Variants in CEP164 observed in about 807,000 individuals in gnomAD.
CEP164 encodes centrosomal protein 164.
In CEP164, 162 loss-of-function variants were observed where a neutral mutation model predicts 182.7. The observed-to-expected ratio is 0.89, with a 90% CI of 0.78 to 1.01. The LOEUF (loss-of-function observed/expected upper bound fraction) is 1.01. Ranked by LOEUF, CEP164 falls within the 50% of genes least tolerant of loss-of-function variation. The pLI is 0.00. For missense variants in CEP164, 1,735 were observed against 1,790.4 expected (o/e 0.97, Z 0.56); for synonymous variants, 661 against 690.0 (o/e 0.96, Z 0.66).
chr11:117,336,357 A>AT, intron 2 of CEP164: 1 of 1,439,872 alleles, frequency 6.9e-7, no homozygotes, highest in South Asian at 1.1e-5. Context: ...GAGCCAAGAG[A>AT]TTCACAGGAG....
chr11:117,350,508 A>G (rs1209107349), intron 4 of CEP164, among the ~76,000 whole-genome samples: 1 of 152,100 alleles, frequency 6.6e-6, no homozygotes, highest in Non-Finnish European at 1.5e-5. Flanking sequence ...GTGTTTAGTG[A>G]TGTGGGACAT....
rs367645081 is a variant in CEP164 at position 117,377,509 on chromosome 11, G to C, written c.1317+1718G>C. 1.9e-3 allele frequency among the ~76,000 whole-genome samples: 291 copies of C among 152,272 alleles called. 14 individuals are homozygous for C. The South Asian group carries it at 0.058, about 30-fold the overall frequency. ...AGCTTCCAGCTGTCTGCCATCTCTG[G>C]GGGTGGAGGGGTCGAGATGGGGAGG... is the stretch of plus-strand genomic sequence containing the variant. On this transcript the variant is annotated intron_variant, in intron 11 of 32. Transcript: ENST00000278935.
Position 117,392,490 on chromosome 11 carries a change from C to T in CEP164, c.2362-6C>T. Reference sequence around the variant, plus strand: ...CACTCCCCTGTGTGTGCGGGGGCCTCCTCAGGTGGTCTCCAGCCTCCAGAA... The same window carrying T: ...CACTCCCCTGTGTGTGCGGGGGCCTTCTCAGGTGGTCTCCAGCCTCCAGAA... On this transcript the variant is annotated splice_region_variant and splice_polypyrimidine_tract_variant and intron_variant, in intron 18 of 32. Coordinates refer to ENST00000278935, the MANE Select transcript of CEP164 (RefSeq NM_014956.5). 2 of 1,612,872 alleles carry T rather than the reference C, an allele frequency of 1.2e-6. No homozygotes were observed. The highest frequency in any genetic ancestry group is 1.7e-6 in the Non-Finnish European group (2 of 1,179,466).
chr11:117,342,354 C>T (rs1271808163), intron 3 of CEP164, among the ~76,000 whole-genome samples: 1 of 152,212 alleles, frequency 6.6e-6, no homozygotes, highest in East Asian at 1.9e-4. Context: ...TGGTGATGCC[C>T]TTCTGGCCTG....
At chr11:117,400,045 C>T (rs2045957173) in intron 27 of CEP164, among the ~76,000 whole-genome samples, 1 of 152,150 alleles carries the variant, frequency 6.6e-6, no homozygotes, top group African/African-American at 2.4e-5. Flanking sequence ...GGTGTGTAGT[C>T]ATGAAGTCTT....
intron 2 of CEP164, chr11:117,336,255 A>G (rs2037095544): frequency 6.3e-7 from 1 of 1,585,026 alleles, no homozygotes; most frequent in Non-Finnish European, 8.6e-7. Context: ...AATGCTTGCC[A>G]TGCTTTTGGT....
chr11:117,373,055 T>A (rs996533679), intron 9 of CEP164, among the ~76,000 whole-genome samples: 1 of 152,114 alleles, frequency 6.6e-6, no homozygotes, highest in Admixed American at 6.6e-5. Flanking sequence ...TCCAGGTAGA[T>A]GATGAGGGAA....
chr11:117,405,819 T>C (rs1432881509), intron 27 of CEP164, among the ~76,000 whole-genome samples: 1 of 152,194 alleles, frequency 6.6e-6, no homozygotes, highest in Non-Finnish European at 1.5e-5. Context: ...TGGAGCAAAA[T>C]GCTTCCAGTC....
chr11:117,322,725 T>TTGTA lies in CEP164; in HGVS notation c.-98+8000_-98+8001insATGT, dbSNP rs559428752. Among the ~76,000 whole-genome samples the TTGTA allele has an allele frequency of 8.4e-3, 1,273 of 150,652 alleles. 23 individuals carry two copies. Among genetic ancestry groups the TTGTA allele is most frequent in the African/African-American group, 0.03 (1,215 of 40,950 alleles). ...CATGTGTCACCACGCCTGGCATATT[T>TTGTA]TGTGTTTATATATATATATGTATAT... On this transcript the variant is annotated intron_variant, in intron 1 of 4. Coordinates refer to the CEP164 transcript ENST00000525734.
chr11:117,342,520 A>AGG (rs944090838), intron 3 of CEP164, among the ~76,000 whole-genome samples: 2 of 151,938 alleles, frequency 1.3e-5, no homozygotes, highest in African/African-American at 4.8e-5. Context: ...CTTGTTGCCC[A>AGG]GGCTGGAGTG....
intron 5 of CEP164, chr11:117,355,830 A>G: frequency 3.7e-6 from 4 of 1,080,586 alleles, no homozygotes; most frequent in Non-Finnish European, 4.5e-6. Flanking sequence ...GATCTACCTC[A>G]GGGTCTCTTG....
Position 117,396,074 on chromosome 11 carries a change from A to T in CEP164, c.3110A>T (p.Gln1037Leu). ...KHFSSLEAEA[Q>L]KKQHLLREVT... The stretch of plus-strand genomic sequence containing the variant: ...CACAGCAGCCTGGAGGCTGAAGCTC[A>T]AAAGAAGCAGCACCTGTTGAGAGAA... Residue 1037 changes from glutamine to leucine, a missense_variant, in exon 25 of 33, where the codon CAA becomes CTA. Gln to Leu is a moderately radical substitution (Grantham distance 113, BLOSUM62 -2). Transcript: ENST00000278935. 1.9e-6 allele frequency: 3 copies of T among 1,614,126 alleles called. No individual in the cohort carries two copies. The highest frequency in any genetic ancestry group is 2.5e-6 in the Non-Finnish European group (3 of 1,179,976).
intron 17 of CEP164, 123 bp from the exon 18 acceptor site, chr11:117,392,103 C>T: frequency 1.4e-6 from 1 of 697,718 alleles, no homozygotes; most frequent in Non-Finnish European, 2.3e-6. Flanking sequence ...ATGTGCTGTG[C>T]TTCCCCATGC....
At chr11:117,329,829 T>A (rs2035914216) in intron 1 of CEP164, among the ~76,000 whole-genome samples, 1 of 144,430 alleles carries the variant, frequency 6.9e-6, no homozygotes, top group Non-Finnish European at 1.5e-5. Flanking sequence ...CGTGAGCCAC[T>A]GCGCCTGGCC....
At chr11:117,332,169 G>A (rs938301259) in intron 1 of CEP164, among the ~76,000 whole-genome samples, 5 of 151,996 alleles carry the variant, frequency 3.3e-5, no homozygotes, top group Admixed American at 2.0e-4. Context: ...ACTGAGCTCC[G>A]ACAGCTTACA....
intron 24 of CEP164, 33 bp downstream of exon 24, chr11:117,395,755 G>A: frequency 1.3e-6 from 2 of 1,579,180 alleles, no homozygotes; most frequent in Non-Finnish European, 8.6e-7. Flanking sequence ...AGCCCTGCTG[G>A]CTGCCTCCTG....
intron 3 of CEP164, among the ~76,000 whole-genome samples, chr11:117,341,709 G>A (rs771670508): frequency 3.4e-4 from 51 of 151,934 alleles, no homozygotes; most frequent in South Asian, 2.1e-4. Flanking sequence ...GTCTCCCAAC[G>A]TGCTGGGATT....
chr11:117,370,736 C>T (rs2042117836), intron 8 of CEP164, among the ~76,000 whole-genome samples: 1 of 152,104 alleles, frequency 6.6e-6, no homozygotes, highest in South Asian at 2.1e-4. Flanking sequence ...CATGGCAAAA[C>T]CCCATCTCTA....
chr11:117,395,926 G>C (rs532192811), intron 24 of CEP164, 128 bp from the exon 25 acceptor site: 37 of 1,358,410 alleles, frequency 2.7e-5, no homozygotes, highest in Non-Finnish European at 3.6e-5. Flanking sequence ...GCTATTGTTC[G>C]TGCCTGAGCC....
Sources: allele counts gnomAD v4.1 joint callset (sites outside exome capture counted in the v4.1 genomes callset), GRCh38; gene constraint gnomAD v4.1.1; transcripts MANE v1.5; gene names NCBI Gene and HGNC (gene_info 2026-07-23, HGNC 2026-07-21).